The following ARHGAP44 variants were observed in gnomAD, a reference collection of about 807,000 sequenced individuals.
ARHGAP44 encodes the protein Rho GTPase activating protein 44, also known as rho GTPase-activating protein 44.
In ARHGAP44, 43 loss-of-function variants were observed where a neutral mutation model predicts 106.8. The ratio of observed to expected loss-of-function variants is 0.40; its 90% CI spans 0.32 to 0.52. The LOEUF is 0.52. ARHGAP44 is among the 20% of genes least tolerant of loss of function. ARHGAP44 has a pLI of 0.48. For missense variants in ARHGAP44, 866 were observed against 1,050.5 expected, an observed-to-expected ratio of 0.82 and a Z score of 2.43; for synonymous variants, 439 against 410.3, an observed-to-expected ratio of 1.07 and a Z score of -0.85.
At chr17:12,980,014 C>A in intron 18 of ARHGAP44, 44 bp from the exon 19 acceptor site, 1 of 1,543,330 alleles carries the variant, frequency 6.5e-7, no homozygotes, top group Non-Finnish European at 8.7e-7. Context: ...CTGCCGCTCA[C>A]TGAGTTCAGG....
intron 7 of ARHGAP44, among the ~76,000 whole-genome samples, chr17:12,934,743 G>T (rs575357529): frequency 6.6e-6 from 1 of 152,252 alleles, no homozygotes; most frequent in African/African-American, 2.4e-5. Flanking sequence ...ATTTGTCAAA[G>T]CCCCTAGAAT....
At chr17:12,885,431 A>G (rs970820487) in intron 1 of ARHGAP44, among the ~76,000 whole-genome samples, 2 of 151,578 alleles carry the variant, frequency 1.3e-5, no homozygotes, top group Non-Finnish European at 2.9e-5. Flanking sequence ...ACAAACTGCC[A>G]AAGTGTTTTC....
chr17:12,958,769 T>C lies in ARHGAP44; in HGVS notation c.1395T>C (p.His465=). 6.2e-7 allele frequency: 1 copy of C among 1,613,862 alleles called. No homozygotes were observed. Among genetic ancestry groups the C allele is most frequent in the Non-Finnish European group, 8.5e-7 (1 of 1,179,860 alleles). The change falls in exon 16 of 21, where the codon CAT becomes CAC. Residue 465 remains histidine, a synonymous_variant. Transcript: ENST00000379672. This position sits in a 1 kb window ranked among gnomAD's most constrained non-coding sequence, Gnocchi z 4.1. The part of the protein sequence containing the change: ...GNYGSPVHVN[H]NANYSSMPSP... ...ATGGGAGTCCAGTACACGTGAACCA[T>C]AATGCCAACTACAGCTCAATGCCCT...
At chr17:12,977,159 C>T (rs1291582556) in intron 18 of ARHGAP44, among the ~76,000 whole-genome samples, 4 of 151,908 alleles carry the variant, frequency 2.6e-5, no homozygotes, top group Non-Finnish European at 4.4e-5. Flanking sequence ...GCTCTATAGC[C>T]AAATGTCTTT....
intron 1 of ARHGAP44, among the ~76,000 whole-genome samples, chr17:12,845,403 G>T (rs1199447255): frequency 6.6e-6 from 1 of 151,430 alleles, no homozygotes; most frequent in Non-Finnish European, 1.5e-5. Context: ...AGCTACTCGG[G>T]AGGCTGAGGC....
chr17:12,985,166 C>T (rs2039929103), intron 20 of ARHGAP44: 3 of 452,650 alleles, frequency 6.6e-6, no homozygotes, highest in Admixed American at 4.0e-5. Context: ...TCTGTTTTTG[C>T]TCTTATTATC....
chr17:12,855,472 A>G (rs1250412569), intron 1 of ARHGAP44, among the ~76,000 whole-genome samples: 2 of 151,582 alleles, frequency 1.3e-5, no homozygotes, highest in Non-Finnish European at 2.9e-5. Flanking sequence ...CTTTCTCACC[A>G]TAAGATTCTA....
intron 8 of ARHGAP44, among the ~76,000 whole-genome samples, chr17:12,942,928 TGAA>T (rs1445129021): frequency 6.6e-6 from 1 of 152,354 alleles, no homozygotes; most frequent in Non-Finnish European, 1.5e-5. Context: ...CCAGGGTATT[TGAA>T]GAAGATTGCA....
intron 1 of ARHGAP44, among the ~76,000 whole-genome samples, chr17:12,837,740 G>C (rs939248239): frequency 6.6e-6 from 1 of 152,130 alleles, no homozygotes; most frequent in African/African-American, 2.4e-5. Flanking sequence ...GTATCATGGG[G>C]ATGTATCATT....
intron 6 of ARHGAP44, among the ~76,000 whole-genome samples, chr17:12,924,764 G>A (rs1427307177): frequency 6.6e-6 from 1 of 152,104 alleles, no homozygotes; most frequent in African/African-American, 2.4e-5. Flanking sequence ...GCTGTGTGAG[G>A]ACAGAAACAG....
At chr17:12,893,141 A>T (rs1335720755) in intron 1 of ARHGAP44, among the ~76,000 whole-genome samples, 1 of 151,906 alleles carries the variant, frequency 6.6e-6, no homozygotes, top group Non-Finnish European at 1.5e-5. Context: ...TTTGTTTCTG[A>T]TGAGCTGGGG....
In ARHGAP44 at chr17:12,974,163, C is replaced by A; in HGVS notation, c.1616C>A (p.Ala539Asp). 3 of 1,554,376 alleles carry A rather than the reference C, an allele frequency of 1.9e-6. No individual in the cohort carries two copies. Among genetic ancestry groups the A allele is most frequent in the East Asian group, 4.8e-5 (2 of 41,250 alleles). The change falls in exon 18 of 21, where the codon GCC (alanine) becomes GAC (aspartate). Residue 539 changes from alanine (A) to aspartate (D), a missense_variant. Ala to Asp is a moderately radical substitution (Grantham distance 126). Coordinates refer to ENST00000379672, the MANE Select transcript of ARHGAP44 (RefSeq NM_014859.6). Reference protein sequence around the residue: ...GSSAGRKVSCAPPSMQPPAPP... With the variant: ...GSSAGRKVSCDPPSMQPPAPP... ...TCGGCCGGTCGGAAAGTGTCCTGCG[C>A]CCCGCCCTCCATGCAGCCTCCCGCC...
chr17:12,947,885 C>A (rs1402603075), intron 10 of ARHGAP44, among the ~76,000 whole-genome samples: 6 of 152,162 alleles, frequency 3.9e-5, no homozygotes, highest in African/African-American at 1.4e-4. Context: ...AAGAGCTTTG[C>A]ACATGTGTGT....
At chr17:12,978,448 G>C (rs919622068) in intron 18 of ARHGAP44, among the ~76,000 whole-genome samples, 1 of 152,212 alleles carries the variant, frequency 6.6e-6, no homozygotes, top group Admixed American at 6.5e-5. Context: ...ATCCCAAGTG[G>C]GAGAGAATGT....
chr17:12,960,848 G>C (rs919304570), intron 16 of ARHGAP44, among the ~76,000 whole-genome samples: 3 of 152,142 alleles, frequency 2.0e-5, no homozygotes, highest in African/African-American at 7.2e-5. Context: ...ACAAGTGTGA[G>C]CCACTGTGCC....
chr17:12,956,888 C>G (rs888299080), intron 15 of ARHGAP44, 142 bp downstream of exon 15: 1 of 639,040 alleles, frequency 1.6e-6, no homozygotes, highest in Non-Finnish European at 2.8e-6. Flanking sequence ...CACACACACA[C>G]GCATGCAGAC....
chr17:12,820,023 C>T (rs1391290254), intron 1 of ARHGAP44, among the ~76,000 whole-genome samples: 1 of 152,056 alleles, frequency 6.6e-6, no homozygotes, highest in East Asian at 1.9e-4. Context: ...CATTTGGAGG[C>T]TTTATTAGTT....
rs1262232794 is a variant in ARHGAP44 at position 12,958,836 on chromosome 17, G to A, written c.1462G>A (p.Ala488Thr). The stretch of plus-strand genomic sequence containing the variant: ...TGCTGACCGGCGCCAGCCCGAGCAG[G>A]CCCGCCGGCCCCTCAGCGTCGCCAC... ...DPADRRQPEQ[A>T]RRPLSVATDN... The change falls in exon 16 of 21, where the codon GCC becomes ACC. Residue 488 changes from alanine (A) to threonine (T), a missense_variant. Physicochemically the swap from Ala to Thr is moderately conservative, Grantham distance 58. Coordinates refer to ENST00000379672, the MANE Select transcript of ARHGAP44 (RefSeq NM_014859.6). This position sits in a 1 kb window ranked among gnomAD's most constrained non-coding sequence, Gnocchi z 4.1. The A allele has an allele frequency of 2.5e-6, 4 of 1,580,322 alleles. No homozygotes were observed. Among genetic ancestry groups the A allele is most frequent in the South Asian group, 2.3e-5 (2 of 86,302 alleles).
chr17:12,963,046 CAAA>C (rs71369355), intron 16 of ARHGAP44, among the ~76,000 whole-genome samples: 27 of 70,956 alleles, frequency 3.8e-4, no homozygotes, highest in East Asian at 5.1e-4. Flanking sequence ...AACACCATCT[CAAA>C]AAAAAAAAAA....
Sources: gnomAD v4.1 joint callset for allele counts (sites outside exome capture counted in the v4.1 genomes callset) on GRCh38, gnomAD v4.1.1 for gene constraint, Gnocchi (gnomAD v3.1) non-coding constraint, MANE v1.5 for transcripts, NCBI Gene and HGNC (gene_info 2026-07-23, HGNC 2026-07-21) for gene names.